The following NGEF variants were observed in gnomAD, a reference collection of about 807,000 sequenced individuals.
NGEF encodes neuronal guanine nucleotide exchange factor.
A neutral mutation model predicts 80.9 loss-of-function variants in NGEF; 31 were observed. The observed-to-expected ratio is 0.38, with a 90% CI of 0.29 to 0.52. NGEF has a LOEUF of 0.52. Among genes scored for constraint, NGEF ranks in the 20% least tolerant of loss-of-function variants. The pLI, the probability that NGEF is intolerant of heterozygous loss-of-function variation, is 0.84. For missense variants in NGEF, 709 were observed against 926.2 expected (o/e 0.77, Z 3.04); for synonymous variants, 371 against 370.2 (o/e 1.00, Z -0.03).
chr2:232,882,381 C>T (rs952351549), intron 12 of NGEF, 116 bp from the exon 13 acceptor site: 12 of 910,074 alleles, frequency 1.3e-5, no homozygotes, highest in East Asian at 7.9e-5. Context: ...TCCTGAGCAC[C>T]GCTCAAGCCC....
At chr2:232,949,345 T>C (rs1693628280) in intron 3 of NGEF, among the ~76,000 whole-genome samples, 1 of 152,244 alleles carries the variant, frequency 6.6e-6, no homozygotes, top group Admixed American at 6.5e-5. Context: ...AACATCTTTG[T>C]CTGATTTCTG....
intron 3 of NGEF, among the ~76,000 whole-genome samples, chr2:232,967,709 GTGTGTGTGTGTGTGT>G (rs1559228145): frequency 1.2e-5 from 1 of 80,280 alleles, no homozygotes; most frequent in African/African-American, 4.4e-5. Context: ...AAATAGGGGT[GTGTGTGTGTGTGTGT>G]GTGTGTGTGT....
chr2:232,948,822 C>T (rs983442448), intron 3 of NGEF, among the ~76,000 whole-genome samples: 18 of 152,012 alleles, frequency 1.2e-4, no homozygotes, highest in Middle Eastern at 3.4e-3. Flanking sequence ...GTTTGAGACT[C>T]GCCTGGCCAA....
At chr2:232,948,535 G>A (rs1441890476) in intron 3 of NGEF, among the ~76,000 whole-genome samples, 1 of 152,176 alleles carries the variant, frequency 6.6e-6, no homozygotes, top group African/African-American at 2.4e-5. Flanking sequence ...GGGAGAAAGA[G>A]AAAAGAGAGA....
chr2:232,928,004 T>C, intron 3 of NGEF: 1 of 1,090,102 alleles, frequency 9.2e-7, no homozygotes, highest in South Asian at 3.9e-5. Flanking sequence ...CTCCATAGGG[T>C]CGGCGGCGGG....
intron 1 of NGEF, among the ~76,000 whole-genome samples, chr2:232,987,338 T>G (rs1694554537): frequency 6.6e-6 from 1 of 152,136 alleles, no homozygotes; most frequent in African/African-American, 2.4e-5. Flanking sequence ...TTTTTTGATG[T>G]TCTGGAATTG....
intron 1 of NGEF, among the ~76,000 whole-genome samples, chr2:233,004,727 CT>C (rs1033077239): frequency 9.9e-5 from 15 of 152,152 alleles, no homozygotes; most frequent in Non-Finnish European, 1.8e-4. Flanking sequence ...CCCCTTCCCC[CT>C]GCTCCCTCTC....
intron 13 of NGEF, 71 bp downstream of exon 13, chr2:232,882,115 C>G (rs1195052761): frequency 2.1e-6 from 3 of 1,395,824 alleles, no homozygotes; most frequent in African/African-American, 2.8e-5. Flanking sequence ...GCAGGGCACA[C>G]CGTGCACCTG....
intron 3 of NGEF, among the ~76,000 whole-genome samples, chr2:232,929,970 A>C (rs1006461814): frequency 1.3e-5 from 2 of 152,074 alleles, no homozygotes; most frequent in African/African-American, 4.8e-5. Flanking sequence ...TTTTGCTTGG[A>C]TCTCATTCTC....
At chr2:232,899,763 C>T (rs1324876401) in intron 5 of NGEF, among the ~76,000 whole-genome samples, 1 of 145,294 alleles carries the variant, frequency 6.9e-6, no homozygotes, top group Non-Finnish European at 1.5e-5. Context: ...CGTGCTCTCA[C>T]AGTCACTCAT....
Position 232,920,498 on chromosome 2 carries a change from G to A in NGEF, c.614C>T (p.Thr205Ile), listed in dbSNP as rs1692919153. ...GTCCTCACTGGCCGGGGACCCATTGGTATTGTCTTCTATTTCTGCATCCTG... is the reference window on the plus strand; with the variant it reads ...GTCCTCACTGGCCGGGGACCCATTGATATTGTCTTCTATTTCTGCATCCTG... ...RQQDAEIEDN[T>I]NGSPASEDTP... The change falls in exon 5 of 15, where the codon ACC becomes ATC. Residue 205 changes from threonine to isoleucine, a missense_variant. Coordinates refer to ENST00000264051, the MANE Select transcript of NGEF (RefSeq NM_019850.3). 2 of 1,604,140 alleles carry A rather than the reference G, an allele frequency of 1.2e-6. No individual in the cohort carries two copies. Among genetic ancestry groups the A allele is most frequent in the South Asian group, 1.1e-5 (1 of 89,946 alleles).
At chr2:232,966,785 C>T (rs545846285) in intron 3 of NGEF, among the ~76,000 whole-genome samples, 1 of 152,274 alleles carries the variant, frequency 6.6e-6, no homozygotes, top group South Asian at 2.1e-4. Context: ...CCCTTGGACT[C>T]TTGCTCTGGC....
intron 1 of NGEF, among the ~76,000 whole-genome samples, chr2:233,007,915 T>A (rs1349645878): frequency 6.6e-6 from 1 of 152,176 alleles, no homozygotes; most frequent in Admixed American, 6.5e-5. Flanking sequence ...AGAAACAACT[T>A]TAAAATCATT....
chr2:232,930,411 C>T (rs539313912), intron 3 of NGEF, among the ~76,000 whole-genome samples: 18 of 152,066 alleles, frequency 1.2e-4, no homozygotes, highest in African/African-American at 3.9e-4. Flanking sequence ...CTTCTGCCTC[C>T]CGGGTTCAAG....
chr2:232,927,238 C>T, intron 3 of NGEF, 52 bp from the exon 4 acceptor site: 1 of 1,506,002 alleles, frequency 6.6e-7, no homozygotes, highest in Non-Finnish European at 8.8e-7. Context: ...CAAGGATTCA[C>T]CTCGGCTGGC....
intron 1 of NGEF, among the ~76,000 whole-genome samples, chr2:232,998,608 A>C (rs1694904855): frequency 6.6e-6 from 1 of 151,944 alleles, no homozygotes; most frequent in Non-Finnish European, 1.5e-5. Flanking sequence ...TGCTGGGTGA[A>C]GCCTTCTACA....
intron 5 of NGEF, among the ~76,000 whole-genome samples, chr2:232,898,022 C>T (rs754727428): frequency 1.3e-5 from 2 of 152,058 alleles, no homozygotes; most frequent in South Asian, 2.1e-4. Context: ...GACCCCGAGT[C>T]GGCCAGTGTC....
chr2:232,894,614 T>C, intron 6 of NGEF, 142 bp downstream of exon 6: 2 of 906,252 alleles, frequency 2.2e-6, no homozygotes, highest in East Asian at 5.5e-5. Context: ...TAGTTCTTCA[T>C]TTATTTATAT....
In NGEF at chr2:232,974,525, A is replaced by C. The variant is rs977372454; in HGVS notation, c.268+98T>G. 3.2e-5 allele frequency: 44 copies of C among 1,395,290 alleles called. 1 individual carries two copies. Among genetic ancestry groups the C allele is most frequent in the Middle Eastern group, 2.5e-4 (1 of 4,026 alleles). 86.4% of individuals were successfully genotyped at this position (1,395,290 alleles called of 1,614,324 possible). On this transcript the variant is annotated intron_variant, in intron 2 of 14. Coordinates refer to ENST00000264051, the MANE Select transcript of NGEF (RefSeq NM_019850.3). The stretch of plus-strand genomic sequence containing the variant: ...TTGAAACTGTCCTTGGTACTTTTCA[A>C]TGCCACTTATCCTTTCTCATTTAAT...
Sources: gnomAD v4.1 joint callset for allele counts (sites outside exome capture counted in the v4.1 genomes callset) on GRCh38, gnomAD v4.1.1 for gene constraint, MANE v1.5 for transcripts, NCBI Gene and HGNC (gene_info 2026-07-23, HGNC 2026-07-21) for gene names.